SORCS1: variants seen among roughly 807,000 people sequenced by gnomAD.
SORCS1 encodes VPS10 domain-containing receptor SorCS1.
SORCS1 carries 60 observed loss-of-function variants against 146.1 expected under a neutral mutation model. The observed-to-expected ratio is 0.41, with a 90% CI of 0.33 to 0.51. SORCS1 has a LOEUF of 0.51. Among genes scored for constraint, SORCS1 ranks in the 20% least tolerant of loss-of-function variants. The pLI is 0.21. For missense variants in SORCS1, 1,352 were observed against 1,487.6 expected (o/e 0.91, Z 1.50); for synonymous variants, 637 against 584.0 (o/e 1.09, Z -1.31).
At chr10:106,745,060 T>G (rs1379263690) in intron 5 of SORCS1, among the ~76,000 whole-genome samples, 2 of 152,082 alleles carry the variant, frequency 1.3e-5, no homozygotes, top group Non-Finnish European at 2.9e-5. Context: ...TCAACAGGGA[T>G]CCTCTTGACA....
At chr10:107,116,187 T>C (rs766261456) in intron 1 of SORCS1, among the ~76,000 whole-genome samples, 14 of 152,036 alleles carry the variant, frequency 9.2e-5, no homozygotes, top group Non-Finnish European at 1.9e-4. Context: ...GTATAGCCAT[T>C]ATGTAAGACA....
chr10:106,665,056 C>CA (rs1403984401), intron 17 of SORCS1, among the ~76,000 whole-genome samples: 3 of 152,050 alleles, frequency 2.0e-5, no homozygotes, highest in South Asian at 4.2e-4. Context: ...TGTTATCATT[C>CA]AAAAAAATCA....
chr10:106,940,905 A>T (rs1247780998), intron 2 of SORCS1, among the ~76,000 whole-genome samples: 3 of 152,042 alleles, frequency 2.0e-5, no homozygotes, highest in Non-Finnish European at 4.4e-5. Context: ...AATAAAAAAA[A>T]TTATTCTCTG....
At chr10:107,023,585 T>C (rs1958250035) in intron 1 of SORCS1, among the ~76,000 whole-genome samples, 1 of 152,124 alleles carries the variant, frequency 6.6e-6, no homozygotes. Flanking sequence ...TAATTCAAGA[T>C]AGTACACGAT....
chr10:106,692,341 C>T (rs973879013), intron 9 of SORCS1, among the ~76,000 whole-genome samples: 1 of 152,112 alleles, frequency 6.6e-6, no homozygotes, highest in African/African-American at 2.4e-5. Context: ...TGCTGGGATT[C>T]CAGGTGTGAG....
At chr10:106,686,620 TACTC>T (rs1852864195) in intron 10 of SORCS1, among the ~76,000 whole-genome samples, 1 of 152,206 alleles carries the variant, frequency 6.6e-6, no homozygotes, top group Non-Finnish European at 1.5e-5. Flanking sequence ...TACATTTACT[TACTC>T]TGTCACTGGC....
chr10:107,038,996 A>C (rs780625496), intron 1 of SORCS1, among the ~76,000 whole-genome samples: 1 of 152,176 alleles, frequency 6.6e-6, no homozygotes, highest in African/African-American at 2.4e-5. Flanking sequence ...AAGTAATATG[A>C]AAGTAATCTA....
chr10:106,692,649 G>T (rs1371382892), intron 9 of SORCS1, among the ~76,000 whole-genome samples: 2 of 152,164 alleles, frequency 1.3e-5, no homozygotes, highest in Admixed American at 6.5e-5. Flanking sequence ...TTAAAGGAAA[G>T]ATATAACAAT....
intron 1 of SORCS1, among the ~76,000 whole-genome samples, chr10:107,015,415 T>C (rs1811272906): frequency 1.3e-5 from 2 of 152,096 alleles, no homozygotes; most frequent in African/African-American, 2.4e-5. Context: ...AAGGTGGTAT[T>C]TGAGCAAAGA....
intron 6 of SORCS1, among the ~76,000 whole-genome samples, chr10:106,724,301 G>A (rs904052008): frequency 6.6e-6 from 1 of 152,112 alleles, no homozygotes; most frequent in Non-Finnish European, 1.5e-5. Context: ...AAGGTCAGGG[G>A]TTCAAGACCA....
chr10:106,986,738 TAC>T (rs1394041629), intron 1 of SORCS1, among the ~76,000 whole-genome samples: 1 of 152,182 alleles, frequency 6.6e-6, no homozygotes, highest in Admixed American at 6.5e-5. Context: ...GACCTTTCCT[TAC>T]ACAGTCTCCA....
chr10:107,123,841 G>T (rs1219090263), intron 1 of SORCS1, among the ~76,000 whole-genome samples: 1 of 151,854 alleles, frequency 6.6e-6, no homozygotes, highest in Non-Finnish European at 1.5e-5. Context: ...ACTTTGGGAG[G>T]CCAAGAAGGG....
rs564908100 is a variant in SORCS1, at chr10:107,007,496, G to A, written c.559-50916C>T. The stretch of plus-strand genomic sequence containing the variant: ...CCAGTACCATCTTACCAGTCATGTG[G>A]GTAAGCCATCTTGAAAACAGATCCT... On this transcript the variant is annotated intron_variant, in intron 1 of 25. Coordinates refer to ENST00000263054, the MANE Select transcript of SORCS1 (RefSeq NM_052918.5). 5.4e-4 allele frequency among the ~76,000 whole-genome samples: 82 copies of A among 152,266 alleles called. 2 individuals are homozygous for A. Among genetic ancestry groups the A allele is most frequent in the Non-Finnish European group, 7.4e-5 (5 of 68,022 alleles).
intron 21 of SORCS1, among the ~76,000 whole-genome samples, chr10:106,614,648 CAG>C (rs1847233896): frequency 6.6e-6 from 1 of 152,110 alleles, no homozygotes; most frequent in Non-Finnish European, 1.5e-5. Flanking sequence ...TACCAAACTG[CAG>C]AGACTTCATC....
rs1964429023 is a variant in SORCS1, at chr10:107,094,701, T to C, written c.558+69268A>G. Reference sequence around the variant, plus strand: ...GGCTCCATATATCAGTAGTTGGTAATATCAGAGAGGACACTATGCATTGAG... The same window carrying C: ...GGCTCCATATATCAGTAGTTGGTAACATCAGAGAGGACACTATGCATTGAG... On this transcript the variant is annotated intron_variant, in intron 1 of 25. Transcript: ENST00000263054. Among the ~76,000 whole-genome samples the C allele has an allele frequency of 1.3e-5, 2 of 152,202 alleles. 1 individual carries two copies. The highest frequency in any genetic ancestry group is 4.1e-4 in the South Asian group (2 of 4,826).
At chr10:106,791,005 A>G (rs1714376985) in intron 3 of SORCS1, among the ~76,000 whole-genome samples, 1 of 152,246 alleles carries the variant, frequency 6.6e-6, no homozygotes, top group Non-Finnish European at 1.5e-5. Flanking sequence ...GATTATTGTC[A>G]CTGACACTTT....
chr10:106,833,070 AT>A (rs1384085123), intron 2 of SORCS1, among the ~76,000 whole-genome samples: 1 of 137,070 alleles, frequency 7.3e-6, no homozygotes, highest in Non-Finnish European at 1.7e-5. Flanking sequence ...CAAGATGACA[AT>A]AGAGTGACTT....
rs189171491 is a variant in SORCS1 at position 107,143,570 on chromosome 10, C to G, written c.558+20399G>C. ...CCAGGCTGGAGTGTAGTGGCTAGAT[C>G]TCTGCTCACTGCAACCTCTGCCTCC... On this transcript the variant is annotated intron_variant, in intron 1 of 25. Transcript: ENST00000263054. 6.6e-4 allele frequency among the ~76,000 whole-genome samples: 101 copies of G among 152,266 alleles called. 1 individual carries two copies. Among genetic ancestry groups the G allele is most frequent in the African/African-American group, 2.3e-3 (97 of 41,542 alleles).
rs141135268 is a variant in SORCS1, at chr10:106,963,670, T to TG, written c.559-7091dup. Among the ~76,000 whole-genome samples, 893 of 150,450 alleles carry TG rather than the reference T, an allele frequency of 5.9e-3. 5 individuals are homozygous for TG. Among genetic ancestry groups the TG allele is most frequent in the African/African-American group, 0.016 (669 of 40,878 alleles). The stretch of plus-strand genomic sequence containing the variant: ...ATAATATTACTCATCTCTTGAATCC[T>TG]GGGGGGGGGCCATACATCCAAGAAT... On this transcript the variant is annotated intron_variant, in intron 1 of 25. Transcript: ENST00000263054.
Sources: allele counts gnomAD v4.1 joint callset (sites outside exome capture counted in the v4.1 genomes callset), GRCh38; gene constraint gnomAD v4.1.1; transcripts MANE v1.5; gene names NCBI Gene and HGNC (gene_info 2026-07-23, HGNC 2026-07-21).